The following ADAMTS6 variants were observed in gnomAD, a reference collection of about 807,000 sequenced individuals.
ADAMTS6 encodes the protein A disintegrin and metalloproteinase with thrombospondin motifs 6.
A neutral mutation model predicts 144.3 loss-of-function variants in ADAMTS6; 23 were observed. The ratio of observed to expected loss-of-function variants is 0.16; its 90% confidence interval spans 0.11 to 0.23. The LOEUF is 0.23. ADAMTS6 is among the 10% of genes least tolerant of loss of function. The pLI, the probability that ADAMTS6 is intolerant of heterozygous loss-of-function variation, is 1.00. For missense variants in ADAMTS6, 999 were observed against 1,379.6 expected (o/e 0.72, Z 4.37); for synonymous variants, 444 against 457.5 (o/e 0.97, Z 0.38).
intron 9 of ADAMTS6, among the ~76,000 whole-genome samples, chr5:65,302,491 T>A (rs1376867787): frequency 6.6e-6 from 1 of 151,480 alleles, no homozygotes; most frequent in African/African-American, 2.4e-5. Flanking sequence ...AAGAGAAATG[T>A]ATGAGAGTAT....
Position 65,473,784 on chromosome 5 carries a change from A to G in ADAMTS6, c.-111T>C. 1.2e-6 allele frequency: 1 copy of G among 801,290 alleles called. No homozygotes were observed. 49.6% of individuals were successfully genotyped at this position (801,290 alleles called of 1,614,324 possible). On this transcript the variant is annotated 5_prime_UTR_variant, in exon 2 of 25. Coordinates refer to ENST00000381055, the MANE Select transcript of ADAMTS6 (RefSeq NM_197941.4). ...ATTTCTTTAAAACTTCTTGCAAATT[A>G]GTTATTGGATGTTCCACTGTTTAAG... is the stretch of plus-strand genomic sequence containing the variant.
intron 9 of ADAMTS6, among the ~76,000 whole-genome samples, chr5:65,325,307 A>G (rs1009451329): frequency 6.6e-6 from 1 of 152,180 alleles, no homozygotes; most frequent in Non-Finnish European, 1.5e-5. Flanking sequence ...CATCTAAATA[A>G]TGTTTTAAAA....
At chr5:65,207,034 T>G (rs770961512) in intron 20 of ADAMTS6, among the ~76,000 whole-genome samples, 63 of 152,290 alleles carry the variant, frequency 4.1e-4, no homozygotes, top group Non-Finnish European at 8.1e-4. Flanking sequence ...ATCAGAAACA[T>G]TCCTGTATAA....
At chr5:65,259,154 C>T (rs182013436) in intron 14 of ADAMTS6, among the ~76,000 whole-genome samples, 1 of 151,552 alleles carries the variant, frequency 6.6e-6, no homozygotes, top group Non-Finnish European at 1.5e-5. Flanking sequence ...GTCAGGAGTT[C>T]GAGACCAGTC....
At chr5:65,163,311 G>C (rs1752903398) in intron 24 of ADAMTS6, among the ~76,000 whole-genome samples, 1 of 152,112 alleles carries the variant, frequency 6.6e-6, no homozygotes, top group South Asian at 2.1e-4. Context: ...GAGAGGGAAA[G>C]CTAGATTTCC....
At chr5:65,380,977 G>A (rs1487074368) in intron 7 of ADAMTS6, among the ~76,000 whole-genome samples, 2 of 152,164 alleles carry the variant, frequency 1.3e-5, no homozygotes, top group African/African-American at 4.8e-5. Flanking sequence ...GCTACTGATT[G>A]AGGAAAGCTC....
intron 21 of ADAMTS6, among the ~76,000 whole-genome samples, chr5:65,193,617 T>A (rs1269219560): frequency 6.6e-6 from 1 of 152,162 alleles, no homozygotes; most frequent in Non-Finnish European, 1.5e-5. Context: ...GGCATTCTCA[T>A]AGACTGTTAA....
chr5:65,296,928 A>C (rs1402945827), intron 10 of ADAMTS6, among the ~76,000 whole-genome samples: 1 of 152,150 alleles, frequency 6.6e-6, no homozygotes, highest in Non-Finnish European at 1.5e-5. Flanking sequence ...ATTCTGTATT[A>C]TTGCTAAGTG....
chr5:65,427,396 C>T (rs1004853135), intron 7 of ADAMTS6, among the ~76,000 whole-genome samples: 25 of 151,826 alleles, frequency 1.6e-4, no homozygotes, highest in Admixed American at 5.2e-4. Context: ...CTCAAACTCC[C>T]GGCCTCAAGG....
chr5:65,376,853 A>G (rs1751609519), intron 7 of ADAMTS6, among the ~76,000 whole-genome samples: 1 of 152,054 alleles, frequency 6.6e-6, no homozygotes, highest in Non-Finnish European at 1.5e-5. Context: ...AAAAAGCTAA[A>G]AAAAAAAATT....
chr5:65,330,366 G>A (rs952857401), intron 8 of ADAMTS6, among the ~76,000 whole-genome samples: 1 of 152,112 alleles, frequency 6.6e-6, no homozygotes. Context: ...CTCTTATAAG[G>A]AAACAGATGC....
chr5:65,351,522 A>G (rs998137329), intron 7 of ADAMTS6, among the ~76,000 whole-genome samples: 5 of 152,254 alleles, frequency 3.3e-5, no homozygotes, highest in Non-Finnish European at 5.9e-5. Context: ...TCTGTCATTA[A>G]TTGAATAAAT....
chr5:65,432,037 CTT>C (rs1040120194), intron 7 of ADAMTS6, among the ~76,000 whole-genome samples: 13 of 152,110 alleles, frequency 8.5e-5, no homozygotes, highest in African/African-American at 3.1e-4. Context: ...TCTAGAAAGA[CTT>C]TTTAGAATTA....
At chr5:65,280,016 G>A (rs2112697407) in intron 11 of ADAMTS6, among the ~76,000 whole-genome samples, 1 of 152,310 alleles carries the variant, frequency 6.6e-6, no homozygotes, top group South Asian at 2.1e-4. Context: ...GGTTTTCACT[G>A]AACCAATTTG....
intron 12 of ADAMTS6, 42 bp from the exon 13 acceptor site, chr5:65,263,004 G>C: frequency 6.2e-7 from 1 of 1,612,400 alleles, no homozygotes. Flanking sequence ...CTTTTAGGCA[G>C]ATAGAGCTAT....
intron 7 of ADAMTS6, among the ~76,000 whole-genome samples, chr5:65,402,933 T>TTG (rs758737704): frequency 2.6e-4 from 39 of 152,170 alleles, no homozygotes; most frequent in Non-Finnish European, 2.9e-5. Flanking sequence ...ATTGAATAAG[T>TTG]TGTGTATATG....
At chr5:65,357,636 A>C (rs1749445198) in intron 7 of ADAMTS6, among the ~76,000 whole-genome samples, 1 of 150,862 alleles carries the variant, frequency 6.6e-6, no homozygotes, top group Non-Finnish European at 1.5e-5. Flanking sequence ...TTTCAAAAAA[A>C]ACATAAACAA....
At chr5:65,237,890 C>T (rs1758811379) in intron 15 of ADAMTS6, among the ~76,000 whole-genome samples, 1 of 152,034 alleles carries the variant, frequency 6.6e-6, no homozygotes, top group Non-Finnish European at 1.5e-5. Flanking sequence ...CATTGGAGAC[C>T]AGCCTGGGCA....
At chr5:65,263,068 C>G (rs1470295126) in intron 12 of ADAMTS6, 106 bp from the exon 13 acceptor site, 4 of 1,379,986 alleles carry the variant, frequency 2.9e-6, no homozygotes, top group Non-Finnish European at 4.0e-6. Context: ...CATTAGCATT[C>G]TCCCAATTGA....
Sources: allele counts gnomAD v4.1 joint callset (sites outside exome capture counted in the v4.1 genomes callset), GRCh38; gene constraint gnomAD v4.1.1; transcripts MANE v1.5; gene names NCBI Gene and HGNC (gene_info 2026-07-23, HGNC 2026-07-21).